The following MALRD1 variants were observed in gnomAD, a reference collection of about 807,000 sequenced individuals.
MALRD1 encodes the protein MAM and LDL-receptor class A domain-containing protein 1.
Under a neutral mutation model 242.1 loss-of-function variants are expected in MALRD1, and 247 were observed. That is an observed-to-expected ratio of 1.02 (90% CI 0.92 to 1.13). MALRD1 has a LOEUF of 1.13. Ranked by LOEUF, MALRD1 falls within the 50% of genes most tolerant of loss-of-function variation. The pLI is 0.00. For synonymous variants in MALRD1, 995 were observed against 866.6 expected (o/e 1.15, Z -2.60); for missense variants, 2,989 against 2,533.1 (o/e 1.18, Z -3.86).
chr10:19,540,017 G>T (rs2131374205), intron 32 of MALRD1, among the ~76,000 whole-genome samples: 1 of 151,968 alleles, frequency 6.6e-6, no homozygotes, highest in East Asian at 1.9e-4. Context: ...CACATGCCCA[G>T]TGTGTTCTGC....
intron 13 of MALRD1, among the ~76,000 whole-genome samples, chr10:19,168,405 A>T (rs1016460633): frequency 3.3e-5 from 5 of 152,174 alleles, no homozygotes; most frequent in African/African-American, 7.2e-5. Flanking sequence ...CACCAAGAAG[A>T]TCGTTCAGAG....
At chr10:19,243,705 C>G (rs1838908856) in intron 18 of MALRD1, among the ~76,000 whole-genome samples, 1 of 152,062 alleles carries the variant, frequency 6.6e-6, no homozygotes, top group Non-Finnish European at 1.5e-5. Context: ...CAGCATACAC[C>G]TGATTATTAA....
chr10:19,450,587 T>C (rs1249455026), intron 29 of MALRD1, 97 bp downstream of exon 29: 2 of 1,041,348 alleles, frequency 1.9e-6, no homozygotes, highest in African/African-American at 3.2e-5. Context: ...TGTTATGTAT[T>C]TTGTACACAT....
chr10:19,734,235 T>G lies in MALRD1; in HGVS notation c.6469T>G (p.Ter2157GluextTer7). The change falls in exon 40 of 40, where the codon TAG becomes GAG. Residue 2157 changes from the stop codon to glutamate (E), a stop_lost. Transcript: ENST00000454679. ...SLETLSHHLK* is the reference protein window; with the variant it reads ...SLETLSHHLKE Reference sequence around the variant, plus strand: ...GGAGACCCTGTCACATCATCTCAAATAGCAGCATCGAGACCAAGTCTGATC... The same window carrying G: ...GGAGACCCTGTCACATCATCTCAAAGAGCAGCATCGAGACCAAGTCTGATC... 1 of 1,535,212 alleles carries G rather than the reference T, an allele frequency of 6.5e-7. No homozygotes were observed. The highest frequency in any genetic ancestry group is 8.7e-7 in the Non-Finnish European group (1 of 1,146,034).
intron 26 of MALRD1, among the ~76,000 whole-genome samples, chr10:19,386,693 T>G (rs1006759545): frequency 7.0e-6 from 1 of 142,020 alleles, no homozygotes; most frequent in East Asian, 2.1e-4. Flanking sequence ...GAGATAGATA[T>G]ATATACACAC....
chr10:19,331,762 T>A (rs553054516), intron 24 of MALRD1, among the ~76,000 whole-genome samples, 180 bp downstream of exon 24: 2 of 152,288 alleles, frequency 1.3e-5, no homozygotes, highest in South Asian at 4.2e-4. Flanking sequence ...TCATAATTCA[T>A]TTACAACCAA....
chr10:19,517,887 C>A (rs1833708885), intron 31 of MALRD1, among the ~76,000 whole-genome samples: 2 of 152,174 alleles, frequency 1.3e-5, no homozygotes, highest in South Asian at 4.1e-4. Flanking sequence ...TCCTCCACAT[C>A]CCACTTCTGA....
intron 26 of MALRD1, among the ~76,000 whole-genome samples, chr10:19,366,781 A>G (rs1182105290): frequency 6.6e-6 from 1 of 152,168 alleles, no homozygotes; most frequent in Non-Finnish European, 1.5e-5. Flanking sequence ...TGCTGGGTCC[A>G]GAAGCATGTC....
chr10:19,313,334 G>A (rs1440241019), intron 21 of MALRD1, among the ~76,000 whole-genome samples: 1 of 150,978 alleles, frequency 6.6e-6, no homozygotes, highest in Non-Finnish European at 1.5e-5. Flanking sequence ...AAAATATTAA[G>A]CAATTAACTT....
chr10:19,562,411 C>G (rs1269600952), intron 32 of MALRD1, among the ~76,000 whole-genome samples: 1 of 152,090 alleles, frequency 6.6e-6, no homozygotes, highest in African/African-American at 2.4e-5. Flanking sequence ...ACTCATGAAA[C>G]TCTGGGTGTC....
At chr10:19,375,695 A>G (rs1311122445) in intron 26 of MALRD1, among the ~76,000 whole-genome samples, 1 of 152,196 alleles carries the variant, frequency 6.6e-6, no homozygotes, top group Non-Finnish European at 1.5e-5. Flanking sequence ...AAGGAGAGAG[A>G]CCAATTACTT....
chr10:19,182,200 T>C (rs953471261), intron 14 of MALRD1, among the ~76,000 whole-genome samples: 2 of 152,112 alleles, frequency 1.3e-5, no homozygotes, highest in African/African-American at 4.8e-5. Context: ...CTTACCTATA[T>C]AGTCTTTTAA....
At chr10:19,098,104 G>A (rs1242611733) in intron 4 of MALRD1, among the ~76,000 whole-genome samples, 3 of 152,172 alleles carry the variant, frequency 2.0e-5, no homozygotes, top group Middle Eastern at 3.4e-3. Context: ...GGTCTGGATC[G>A]GGACTTCTTT....
intron 36 of MALRD1, among the ~76,000 whole-genome samples, chr10:19,655,564 A>ATATG (rs1554821151): frequency 6.1e-5 from 8 of 131,918 alleles, no homozygotes; most frequent in Non-Finnish European, 1.1e-4. Flanking sequence ...ATATATATAT[A>ATATG]TATATATGGA....
At chr10:19,690,487 TCC>T (rs1191679474) in intron 36 of MALRD1, among the ~76,000 whole-genome samples, 1 of 152,056 alleles carries the variant, frequency 6.6e-6, no homozygotes, top group Non-Finnish European at 1.5e-5. Flanking sequence ...TTGGAGAATA[TCC>T]TGGGCCTCTA....
intron 36 of MALRD1, among the ~76,000 whole-genome samples, chr10:19,663,947 G>A (rs549458614): frequency 1.3e-5 from 2 of 152,186 alleles, no homozygotes; most frequent in South Asian, 4.1e-4. Context: ...ACATTTCTGG[G>A]TTGTGGCCTT....
At chr10:19,659,840 C>T (rs550428218) in intron 36 of MALRD1, among the ~76,000 whole-genome samples, 2 of 152,246 alleles carry the variant, frequency 1.3e-5, no homozygotes, top group African/African-American at 2.4e-5. Context: ...TTCAGCTCCA[C>T]ACTCTACTGA....
chr10:19,401,948 A>T (rs1216099560), intron 28 of MALRD1, among the ~76,000 whole-genome samples: 2 of 152,214 alleles, frequency 1.3e-5, no homozygotes, highest in Non-Finnish European at 2.9e-5. Flanking sequence ...CATGATACTT[A>T]CATAAACCCA....
chr10:19,481,062 C>T (rs1836975016), intron 29 of MALRD1, among the ~76,000 whole-genome samples: 1 of 152,128 alleles, frequency 6.6e-6, no homozygotes, highest in East Asian at 1.9e-4. Flanking sequence ...AGTATACATA[C>T]AGTTTATGAA....
Sources: allele counts gnomAD v4.1 joint callset (sites outside exome capture counted in the v4.1 genomes callset), GRCh38; gene constraint gnomAD v4.1.1; transcripts MANE v1.5; gene names NCBI Gene and HGNC (gene_info 2026-07-23, HGNC 2026-07-21).